Variants in GPHN observed in about 807,000 individuals in gnomAD.
GPHN encodes the protein gephyrin.
Under a neutral mutation model 95.5 loss-of-function variants are expected in GPHN, and 17 were observed. That is an observed-to-expected ratio of 0.18 (90% CI 0.12 to 0.27). The LOEUF (loss-of-function observed/expected upper bound fraction) is 0.27. Among genes scored for constraint, GPHN ranks in the 10% least tolerant of loss-of-function variants. The pLI, the probability that GPHN is intolerant of heterozygous loss-of-function variation, is 1.00. For synonymous variants in GPHN, 320 were observed against 322.5 expected (o/e 0.99, Z 0.08); for missense variants, 660 against 978.1 (o/e 0.67, Z 4.34).
the GPHN span, among the ~76,000 whole-genome samples, chr14:67,568,558 TA>T: frequency 6.6e-6 from 1 of 152,024 alleles, no homozygotes; most frequent in African/African-American, 2.4e-5. Context: ...TTTACCTACA[TA>T]AAAACCTGCA....
the GPHN span, among the ~76,000 whole-genome samples, chr14:67,305,799 ACCC>A: frequency 1.3e-5 from 2 of 152,214 alleles, no homozygotes; most frequent in African/African-American, 4.8e-5. Context: ...TGGTTATTTA[ACCC>A]CCAACTTTCA....
intron 12 of GPHN, among the ~76,000 whole-genome samples, chr14:67,094,192 G>A (rs1159698749): frequency 3.9e-5 from 6 of 151,974 alleles, no homozygotes; most frequent in African/African-American, 1.2e-4. Flanking sequence ...GAAGATCATC[G>A]TTTTCTGTGT....
intron 9 of GPHN, among the ~76,000 whole-genome samples, chr14:66,985,941 C>T (rs1397783518): frequency 6.6e-6 from 1 of 151,894 alleles, no homozygotes; most frequent in Non-Finnish European, 1.5e-5. Context: ...AGGCAAGCTG[C>T]CAAATAACTA....
At chr14:66,642,135 G>A (rs938187765) in intron 1 of GPHN, among the ~76,000 whole-genome samples, 10 of 152,110 alleles carry the variant, frequency 6.6e-5, no homozygotes, top group African/African-American at 9.7e-5. Context: ...GCCCTAATTC[G>A]TGGTACCTGT....
At chr14:67,299,962 T>C in the GPHN span, among the ~76,000 whole-genome samples, 3 of 152,186 alleles carry the variant, frequency 2.0e-5, no homozygotes, top group Non-Finnish European at 2.9e-5. Flanking sequence ...AATGTAGACT[T>C]AATAAACTTT....
At chr14:67,007,962 G>T (rs555717831) in intron 9 of GPHN, among the ~76,000 whole-genome samples, 2 of 152,260 alleles carry the variant, frequency 1.3e-5, no homozygotes, top group Admixed American at 1.3e-4. Context: ...TAGGTCACTT[G>T]TTCTAACTTT....
chr14:67,446,075 A>G, the GPHN span: 218,232 of 515,632 alleles, frequency 0.42, 50,053 homozygotes, highest in African/African-American at 0.73. Flanking sequence ...GAATATACAA[A>G]CTCTCCCAGC....
intron 20 of GPHN, among the ~76,000 whole-genome samples, chr14:67,166,354 G>GCTT: frequency 6.6e-6 from 1 of 152,146 alleles, no homozygotes; most frequent in Non-Finnish European, 1.5e-5. Context: ...GCTTCATTTA[G>GCTT]CCTGGAAGAG....
At chr14:67,058,987 A>G (rs2075717795) in intron 11 of GPHN, 1 of 487,224 alleles carries the variant, frequency 2.1e-6, no homozygotes, top group African/African-American at 2.0e-5. Flanking sequence ...AGTAAAATCC[A>G]TGAAACTGCC....
chr14:67,271,584 G>T, the GPHN span: 1 of 152,234 alleles, frequency 6.6e-6, no homozygotes, highest in African/African-American at 2.4e-5. Context: ...AAAAGAGTAG[G>T]CAAAGATCAG....
At chr14:67,045,206 C>T (rs1380399546) in intron 10 of GPHN, among the ~76,000 whole-genome samples, 1 of 152,226 alleles carries the variant, frequency 6.6e-6, no homozygotes, top group African/African-American at 2.4e-5. Flanking sequence ...TGACCAAGCC[C>T]TGTCCGTTCT....
the GPHN span, among the ~76,000 whole-genome samples, chr14:67,466,612 C>A: frequency 6.6e-6 from 1 of 152,220 alleles, no homozygotes; most frequent in Non-Finnish European, 1.5e-5. Flanking sequence ...TTTCTTAAAG[C>A]ACTCACTACG....
chr14:66,553,207 T>C (rs1049558776), intron 1 of GPHN, among the ~76,000 whole-genome samples: 82 of 152,086 alleles, frequency 5.4e-4, no homozygotes, highest in African/African-American at 1.9e-3. Flanking sequence ...GCCAGGCTGG[T>C]CTCGAACTTT....
At chr14:67,129,812 G>A (rs561885048) in intron 17 of GPHN, among the ~76,000 whole-genome samples, 10 of 148,504 alleles carry the variant, frequency 6.7e-5, no homozygotes, top group Non-Finnish European at 6.0e-5. Context: ...GGGAGGGAGG[G>A]AGGAAGGAAG....
chr14:67,603,423 TTTAC>T, the GPHN span, among the ~76,000 whole-genome samples: 1 of 151,912 alleles, frequency 6.6e-6, no homozygotes, highest in Non-Finnish European at 1.5e-5. Context: ...CCAAATGTAC[TTTAC>T]TTAATTTTTT....
chr14:67,200,016 A>C, the GPHN span: 1 of 961,464 alleles, frequency 1.0e-6, no homozygotes, highest in Non-Finnish European at 1.5e-6. Context: ...CTCATGGTTT[A>C]GGACATCCCC....
chr14:66,756,415 G>A (rs2058556452), intron 2 of GPHN, among the ~76,000 whole-genome samples: 1 of 151,978 alleles, frequency 6.6e-6, no homozygotes, highest in African/African-American at 2.4e-5. Context: ...TGTGTAGGCA[G>A]GGGCACAACT....
At chr14:67,660,019 G>C in the GPHN span, 42 of 1,224,088 alleles carry the variant, frequency 3.4e-5, no homozygotes, top group East Asian at 1.1e-3. Context: ...TTATTTATTT[G>C]GACTACACCA....
the GPHN span, among the ~76,000 whole-genome samples, chr14:67,323,464 A>G: frequency 6.6e-6 from 1 of 151,704 alleles, no homozygotes; most frequent in South Asian, 2.1e-4. Flanking sequence ...AAAAGTAAAA[A>G]GTTAGCTGAA....
Sources: gnomAD v4.1 joint callset for allele counts (sites outside exome capture counted in the v4.1 genomes callset) on GRCh38, gnomAD v4.1.1 for gene constraint, MANE v1.5 for transcripts, NCBI Gene and HGNC (gene_info 2026-07-23, HGNC 2026-07-21) for gene names.